The following LRMDA variants were observed in gnomAD, a reference collection of about 807,000 sequenced individuals.
LRMDA encodes leucine-rich melanocyte differentiation-associated protein.
A neutral mutation model predicts 29.8 loss-of-function variants in LRMDA; 18 were observed. The observed-to-expected ratio is 0.60, with a 90% CI of 0.42 to 0.90. The LOEUF (loss-of-function observed/expected upper bound fraction) is 0.90. Ranked by LOEUF, LRMDA falls within the 40% of genes least tolerant of loss-of-function variation. The pLI, the probability that LRMDA is intolerant of heterozygous loss-of-function variation, is 0.00. For missense variants in LRMDA, 273 were observed against 273.9 expected, an observed-to-expected ratio of 1.00 and a Z score of 0.02; for synonymous variants, 125 against 109.4, an observed-to-expected ratio of 1.14 and a Z score of -0.89.
At chr10:76,204,761 G>A (rs536302007) in intron 5 of LRMDA, among the ~76,000 whole-genome samples, 1 of 152,340 alleles carries the variant, frequency 6.6e-6, no homozygotes, top group Non-Finnish European at 1.5e-5. Context: ...GGGCTTAATT[G>A]TTGAATGAGA....
At chr10:75,467,956 TCACACACACACACACACACACA>T (rs61295526) in intron 2 of LRMDA, among the ~76,000 whole-genome samples, 1 of 129,988 alleles carries the variant, frequency 7.7e-6, no homozygotes, top group African/African-American at 3.0e-5. Context: ...TGAGACTCCG[TCACACACACACACACACACACA>T]CACACACACA....
At chr10:76,512,059 G>A (rs553396202) in intron 6 of LRMDA, among the ~76,000 whole-genome samples, 4 of 152,132 alleles carry the variant, frequency 2.6e-5, no homozygotes, top group Non-Finnish European at 5.9e-5. Flanking sequence ...TTTGAATCAT[G>A]GGGATAGTTT....
chr10:75,534,366 A>G (rs891449562), intron 2 of LRMDA, among the ~76,000 whole-genome samples: 1 of 152,186 alleles, frequency 6.6e-6, no homozygotes, highest in Non-Finnish European at 1.5e-5. Context: ...TTAAAACAGA[A>G]GTTAAGAAAA....
intron 2 of LRMDA, among the ~76,000 whole-genome samples, chr10:75,913,737 G>A (rs1050519528): frequency 2.0e-5 from 3 of 152,164 alleles, no homozygotes; most frequent in African/African-American, 7.2e-5. Context: ...CACAATGTGG[G>A]GTGGCCTTTT....
At chr10:76,069,386 T>C (rs1170099043) in intron 5 of LRMDA, among the ~76,000 whole-genome samples, 1 of 152,238 alleles carries the variant, frequency 6.6e-6, no homozygotes, top group Admixed American at 6.5e-5. Context: ...TGCTCTGTAA[T>C]TGGGACTTCC....
chr10:75,610,044 A>T (rs774752621), intron 2 of LRMDA, among the ~76,000 whole-genome samples: 7 of 152,184 alleles, frequency 4.6e-5, no homozygotes, highest in Non-Finnish European at 8.8e-5. Flanking sequence ...GGTAAATTAC[A>T]GCTTCCGAAC....
At chr10:75,482,596 C>G (rs766524526) in intron 2 of LRMDA, among the ~76,000 whole-genome samples, 6 of 152,146 alleles carry the variant, frequency 3.9e-5, no homozygotes, top group African/African-American at 7.2e-5. Flanking sequence ...GCTTCCTGCA[C>G]AGGGTCTGAC....
chr10:76,239,300 T>G (rs1852224428), intron 5 of LRMDA, among the ~76,000 whole-genome samples: 1 of 152,104 alleles, frequency 6.6e-6, no homozygotes, highest in African/African-American at 2.4e-5. Flanking sequence ...TGCATTAGGC[T>G]TCTCTAACCA....
chr10:75,486,358 GTT>G (rs1844913025), intron 2 of LRMDA, among the ~76,000 whole-genome samples: 1 of 152,080 alleles, frequency 6.6e-6, no homozygotes, highest in African/African-American at 2.4e-5. Flanking sequence ...ACTTCTTGTA[GTT>G]CTTGTTTTTG....
chr10:75,502,777 G>T (rs1268755782), intron 2 of LRMDA, among the ~76,000 whole-genome samples: 1 of 152,014 alleles, frequency 6.6e-6, no homozygotes, highest in Non-Finnish European at 1.5e-5. Context: ...TTAGGTTTGG[G>T]GTACACGTGC....
chr10:76,058,372 C>T (rs1249529470), intron 4 of LRMDA, among the ~76,000 whole-genome samples: 6 of 152,284 alleles, frequency 3.9e-5, no homozygotes, highest in Non-Finnish European at 7.4e-5. Flanking sequence ...GAAGGGCATG[C>T]GTTGATAGGG....
intron 6 of LRMDA, among the ~76,000 whole-genome samples, chr10:76,488,162 GA>G (rs1243828924): frequency 1.1e-4 from 16 of 151,508 alleles, no homozygotes; most frequent in Non-Finnish European, 1.9e-4. Flanking sequence ...AACACTAGAA[GA>G]AAAAAATTAT....
intron 2 of LRMDA, among the ~76,000 whole-genome samples, chr10:75,729,094 C>T (rs976462588): frequency 1.3e-5 from 2 of 152,212 alleles, no homozygotes; most frequent in East Asian, 1.9e-4. Context: ...TTTGCCACAT[C>T]GCAGGACTGG....
intron 5 of LRMDA, among the ~76,000 whole-genome samples, chr10:76,146,219 G>C (rs1850315708): frequency 1.3e-5 from 2 of 152,106 alleles, no homozygotes. Flanking sequence ...ACTTGGTGCA[G>C]AGCTGAGATC....
At chr10:75,935,560 G>A (rs1208203579) in intron 2 of LRMDA, among the ~76,000 whole-genome samples, 1 of 152,232 alleles carries the variant, frequency 6.6e-6, no homozygotes, top group Non-Finnish European at 1.5e-5. Context: ...AAGAGATGCA[G>A]TCAGAGGAAA....
chr10:75,590,682 A>G (rs1840711525), intron 2 of LRMDA, among the ~76,000 whole-genome samples: 1 of 148,804 alleles, frequency 6.7e-6, no homozygotes, highest in South Asian at 2.1e-4. Flanking sequence ...ATTTTTTTTA[A>G]GACTTGAGAT....
At chr10:76,127,571 G>GTT (rs34557655) in intron 5 of LRMDA, among the ~76,000 whole-genome samples, 38 of 147,262 alleles carry the variant, frequency 2.6e-4, no homozygotes, top group Non-Finnish European at 3.6e-4. Flanking sequence ...AGAGTGCAGA[G>GTT]TTTTTTTTTT....
intron 4 of LRMDA, among the ~76,000 whole-genome samples, chr10:76,054,352 T>A (rs185626892): frequency 6.6e-6 from 1 of 152,158 alleles, no homozygotes; most frequent in East Asian, 2.0e-4. Context: ...TCATGGGCTG[T>A]CTCTTCGATT....
At chr10:75,656,824 A>G (rs1310982765) in intron 2 of LRMDA, among the ~76,000 whole-genome samples, 1 of 152,248 alleles carries the variant, frequency 6.6e-6, no homozygotes, top group African/African-American at 2.4e-5. Flanking sequence ...CATTAAACAG[A>G]TTGTAGATTA....
Sources: gnomAD v4.1 joint callset for allele counts (sites outside exome capture counted in the v4.1 genomes callset) on GRCh38, gnomAD v4.1.1 for gene constraint, MANE v1.5 for transcripts, NCBI Gene and HGNC (gene_info 2026-07-23, HGNC 2026-07-21) for gene names.